The following GRIP1 variants were observed in gnomAD, a reference collection of about 807,000 sequenced individuals.
GRIP1 encodes the protein glutamate receptor interacting protein 1.
In GRIP1, 45 loss-of-function variants were observed where a neutral mutation model predicts 129.9. The observed-to-expected ratio is 0.35, with a 90% CI of 0.27 to 0.44. GRIP1 has a LOEUF of 0.44. Among genes scored for constraint, GRIP1 ranks in the 20% least tolerant of loss-of-function variants. The probability of loss-of-function intolerance (pLI) is 1.00; values close to 1 mark genes in which losing one functional copy is unlikely to be tolerated. For missense variants in GRIP1, 1,196 were observed against 1,396.8 expected (o/e 0.86, Z 2.29); for synonymous variants, 530 against 520.8 (o/e 1.02, Z -0.24).
intron 1 of GRIP1, among the ~76,000 whole-genome samples, chr12:66,871,821 T>C (rs547517309): frequency 9.9e-5 from 15 of 152,236 alleles, no homozygotes; most frequent in African/African-American, 3.6e-4. Context: ...TTGAGTAAGG[T>C]TGTGCTGGGG....
intron 1 of GRIP1, among the ~76,000 whole-genome samples, chr12:66,760,235 A>G (rs1164819949): frequency 6.6e-6 from 1 of 152,056 alleles, no homozygotes; most frequent in Non-Finnish European, 1.5e-5. Flanking sequence ...TCTTCTTCTG[A>G]GCCCTCCAAA....
At chr12:66,510,376 T>C (rs1458616518) in intron 7 of GRIP1, among the ~76,000 whole-genome samples, 1 of 152,152 alleles carries the variant, frequency 6.6e-6, no homozygotes, top group African/African-American at 2.4e-5. Flanking sequence ...CTGTCTAAGC[T>C]TTCTCCCCTA....
At chr12:66,873,515 C>A (rs895666267) in intron 1 of GRIP1, among the ~76,000 whole-genome samples, 2 of 151,992 alleles carry the variant, frequency 1.3e-5, no homozygotes, top group African/African-American at 4.8e-5. Flanking sequence ...CTATAGATCT[C>A]GAAAGGGTAT....
intron 9 of GRIP1, among the ~76,000 whole-genome samples, chr12:66,460,370 G>A (rs1465239378): frequency 6.6e-6 from 1 of 152,160 alleles, no homozygotes; most frequent in Non-Finnish European, 1.5e-5. Flanking sequence ...CTCTTACTCT[G>A]TTCAGGATGT....
chr12:66,728,433 A>G (rs1434388235), intron 1 of GRIP1, among the ~76,000 whole-genome samples: 1 of 152,146 alleles, frequency 6.6e-6, no homozygotes, highest in Non-Finnish European at 1.5e-5. Context: ...CCAAACTCTA[A>G]GATGGCCTCC....
At chr12:66,816,780 C>T (rs2136970569) in intron 1 of GRIP1, among the ~76,000 whole-genome samples, 1 of 152,210 alleles carries the variant, frequency 6.6e-6, no homozygotes, top group African/African-American at 2.4e-5. Flanking sequence ...TAACAGTAGA[C>T]TTTGAACTTC....
intron 1 of GRIP1, among the ~76,000 whole-genome samples, chr12:66,729,772 C>T (rs2036373460): frequency 1.3e-5 from 2 of 152,084 alleles, no homozygotes. Context: ...GACGGGGTTT[C>T]CCCGTGTTAG....
At chr12:66,602,123 C>T (rs1204857200) in intron 1 of GRIP1, among the ~76,000 whole-genome samples, 6 of 152,170 alleles carry the variant, frequency 3.9e-5, no homozygotes, top group African/African-American at 1.4e-4. Context: ...TTTCAGATAA[C>T]ATGGTAGTTT....
At chr12:66,632,738 C>T (rs998408551) in intron 1 of GRIP1, among the ~76,000 whole-genome samples, 1 of 152,054 alleles carries the variant, frequency 6.6e-6, no homozygotes, top group Admixed American at 6.5e-5. Flanking sequence ...AAAATACATA[C>T]AATTTTGAGG....
chr12:66,818,523 G>A (rs1181530370), intron 1 of GRIP1, among the ~76,000 whole-genome samples: 1 of 152,078 alleles, frequency 6.6e-6, no homozygotes, highest in Non-Finnish European at 1.5e-5. Context: ...TTATTCCATT[G>A]AAAAAGTAGC....
chr12:66,591,384 C>G (rs1254738602), intron 2 of GRIP1, among the ~76,000 whole-genome samples: 1 of 152,136 alleles, frequency 6.6e-6, no homozygotes, highest in African/African-American at 2.4e-5. Context: ...TACACCCGGC[C>G]CTTAGTTCTC....
chr12:66,611,760 G>T (rs61926089), intron 1 of GRIP1, among the ~76,000 whole-genome samples: 6,244 of 151,334 alleles, frequency 0.041, 195 homozygotes, highest in East Asian at 0.11. Context: ...AGATAAGCTG[G>T]TTGGAAATGT....
chr12:66,655,133 A>G (rs1316604854), intron 1 of GRIP1, among the ~76,000 whole-genome samples: 2 of 152,194 alleles, frequency 1.3e-5, no homozygotes, highest in African/African-American at 4.8e-5. Context: ...CTCTGGATCA[A>G]CTTCTCCAAC....
chr12:67,033,883 C>A (rs1458281373), intron 1 of GRIP1, among the ~76,000 whole-genome samples: 1 of 152,130 alleles, frequency 6.6e-6, no homozygotes, highest in Non-Finnish European at 1.5e-5. Context: ...TTTGTTGAAT[C>A]TGAAAAGAGT....
chr12:66,404,393 A>C (rs1433690116), intron 16 of GRIP1, among the ~76,000 whole-genome samples: 1 of 152,214 alleles, frequency 6.6e-6, no homozygotes, highest in East Asian at 1.9e-4. Context: ...ATGAAATTAT[A>C]TACAGTAGAC....
chr12:66,600,104 C>T (rs935912432), intron 1 of GRIP1, among the ~76,000 whole-genome samples: 11 of 152,260 alleles, frequency 7.2e-5, no homozygotes, highest in Middle Eastern at 3.4e-3. Flanking sequence ...GTATATAAAT[C>T]CCATTCTTCC....
intron 7 of GRIP1, among the ~76,000 whole-genome samples, chr12:66,498,763 G>A (rs529125001): frequency 2.8e-4 from 43 of 152,122 alleles, no homozygotes; most frequent in African/African-American, 7.5e-4. Context: ...CTTTTCCTAC[G>A]TCATGAAGAA....
intron 2 of GRIP1, among the ~76,000 whole-genome samples, chr12:66,565,905 C>T (rs141181746): frequency 6.6e-6 from 1 of 152,126 alleles, no homozygotes; most frequent in African/African-American, 2.4e-5. Context: ...TGGGGGTTCA[C>T]TCATGATTTC....
chr12:66,464,942 C>CTTTTTT (rs199751484), intron 8 of GRIP1, among the ~76,000 whole-genome samples: 28,450 of 137,562 alleles, frequency 0.21, 3,202 homozygotes, highest in African/African-American at 0.27. Flanking sequence ...CACTTTCTTT[C>CTTTTTT]TTTCTTTCTT....
Sources: allele counts gnomAD v4.1 joint callset (sites outside exome capture counted in the v4.1 genomes callset), GRCh38; gene constraint gnomAD v4.1.1; transcripts MANE v1.5; gene names NCBI Gene and HGNC (gene_info 2026-07-23, HGNC 2026-07-21).